Variants in ABHD5 observed in about 807,000 individuals in gnomAD.
ABHD5 encodes the protein abhydrolase domain containing 5, lysophosphatidic acid acyltransferase, also known as 1-acylglycerol-3-phosphate O-acyltransferase ABHD5.
ABHD5 carries 30 observed loss-of-function variants against 44.9 expected under a neutral mutation model. The observed-to-expected ratio is 0.67, with a 90% CI of 0.50 to 0.91. The LOEUF (loss-of-function observed/expected upper bound fraction) is 0.91. Among genes scored for constraint, ABHD5 ranks in the 40% least tolerant of loss-of-function variants. ABHD5 has a pLI of 0.00. For missense variants in ABHD5, 399 were observed against 423.4 expected (o/e 0.94, Z 0.50); for synonymous variants, 167 against 147.0 (o/e 1.14, Z -0.99).
downstream of ABHD5, among the ~76,000 whole-genome samples, chr3:43,723,210 T>G (rs1198805046): frequency 3.9e-5 from 6 of 152,210 alleles, no homozygotes; most frequent in African/African-American, 1.2e-4. Context: ...AAAAACTCAT[T>G]GGTCACTTTT....
At chr3:43,732,779 G>A (rs1295744283) in intron 7 of ABHD5, among the ~76,000 whole-genome samples, 1 of 152,168 alleles carries the variant, frequency 6.6e-6, no homozygotes, top group African/African-American at 2.4e-5. Flanking sequence ...ATCTTTGCAT[G>A]GCCGCAGTCA....
chr3:43,729,051 T>C (rs979520477), intron 7 of ABHD5, among the ~76,000 whole-genome samples: 2 of 152,226 alleles, frequency 1.3e-5, no homozygotes, highest in Admixed American at 6.5e-5. Flanking sequence ...TTTTCAAATA[T>C]GAGCTTTTAA....
intron 5 of ABHD5, 27 bp downstream of exon 5, chr3:43,715,085 CTGTGTGTG>C (rs10662733): frequency 3.3e-4 from 281 of 846,712 alleles, no homozygotes; most frequent in African/African-American, 2.3e-3. Context: ...TCAATTCACT[CTGTGTGTG>C]TGTGTGTGTG....
rs1168106852 is a variant in ABHD5 at position 43,699,377 on chromosome 3, T to C, written c.133+16T>C. The C allele has an allele frequency of 6.3e-7, 1 of 1,599,372 alleles. No homozygotes were observed. Among genetic ancestry groups the C allele is most frequent in the African/African-American group, 1.3e-5 (1 of 74,608 alleles). ...ATGTTAAAATGTAAGGCTTTCTTCTTGTAAGTTAAATGAGCTGTGTACTAA... is the reference window on the plus strand; with the variant it reads ...ATGTTAAAATGTAAGGCTTTCTTCTCGTAAGTTAAATGAGCTGTGTACTAA... On this transcript the variant is annotated intron_variant, in intron 2 of 6. Transcript: ENST00000644371.
At chr3:43,705,779 C>T (rs1447613731) in intron 3 of ABHD5, among the ~76,000 whole-genome samples, 1 of 152,132 alleles carries the variant, frequency 6.6e-6, no homozygotes, top group Admixed American at 6.6e-5. Flanking sequence ...TATCTCTTGT[C>T]TTTTCTGCAA....
chr3:43,716,090 T>C (rs2084758989), intron 5 of ABHD5, among the ~76,000 whole-genome samples: 1 of 152,084 alleles, frequency 6.6e-6, no homozygotes, highest in South Asian at 2.1e-4. Flanking sequence ...ATATGACTTA[T>C]GGATGTTGGG....
chr3:43,716,989 G>C (rs2084770863), intron 5 of ABHD5, among the ~76,000 whole-genome samples: 1 of 152,122 alleles, frequency 6.6e-6, no homozygotes, highest in Non-Finnish European at 1.5e-5. Context: ...TGACCAACAT[G>C]GTGAAACCCC....
At chr3:43,700,116 C>T (rs1356212657) in intron 2 of ABHD5, among the ~76,000 whole-genome samples, 1 of 152,152 alleles carries the variant, frequency 6.6e-6, no homozygotes, top group African/African-American at 2.4e-5. Flanking sequence ...TAGGTGGTTA[C>T]AAGATCTTGG....
Position 43,720,733 on chromosome 3 carries a change from G to C in ABHD5, c.*2201G>C, listed in dbSNP as rs571081349. 1 of 152,184 alleles carries C rather than the reference G, an allele frequency of 6.6e-6. No homozygotes were observed. The highest frequency in any genetic ancestry group is 2.4e-5 in the African/African-American group (1 of 41,508). 9.4% of individuals were successfully genotyped at this position (152,184 alleles called of 1,614,324 possible). A position where few individuals can be genotyped will look rare whatever the true frequency, so the allele number is the denominator to read the frequency against. Reference sequence around the variant, plus strand: ...TATAGTTTCTTGAGTCTTTTGTATGGACCAGTCTCTGTATAATAGTTAACT... The same window carrying C: ...TATAGTTTCTTGAGTCTTTTGTATGCACCAGTCTCTGTATAATAGTTAACT... On this transcript the variant is annotated 3_prime_UTR_variant, in exon 7 of 7. Transcript: ENST00000644371.
In ABHD5 at chr3:43,712,767, AT is replaced by A. The variant is rs563655494; in HGVS notation, c.661+905del. Among the ~76,000 whole-genome samples, 313 of 152,270 alleles carry A rather than the reference AT, an allele frequency of 2.1e-3. 1 individual carries two copies. Among genetic ancestry groups the A allele is most frequent in the Admixed American group, 6.1e-3 (93 of 15,298 alleles). The stretch of plus-strand genomic sequence containing the variant: ...TCCTCACGGTGGTTTGATGCCTGCC[AT>A]AGCATTAAGCATCATCTCACAAATC... On this transcript the variant is annotated intron_variant, in intron 4 of 6. Transcript: ENST00000644371.
intron 1 of ABHD5, among the ~76,000 whole-genome samples, chr3:43,694,034 G>T (rs1052065634): frequency 7.0e-6 from 1 of 142,214 alleles, no homozygotes; most frequent in African/African-American, 2.8e-5. Flanking sequence ...CTGGCCGGGC[G>T]CCGTGGTTCA....
chr3:43,700,658 C>T (rs2084530104), intron 2 of ABHD5, among the ~76,000 whole-genome samples: 1 of 151,780 alleles, frequency 6.6e-6, no homozygotes, highest in South Asian at 2.1e-4. Context: ...ACTGCAACCT[C>T]TGCCTCCTGG....
chr3:43,705,095 G>A (rs2149597980), intron 3 of ABHD5, among the ~76,000 whole-genome samples: 1 of 152,304 alleles, frequency 6.6e-6, no homozygotes, highest in African/African-American at 2.4e-5. Flanking sequence ...TTGGCACATA[G>A]TGGCTGCCTA....
rs556437160 is a variant in ABHD5 at position 43,721,551 on chromosome 3, A to G, written c.*3019A>G. Reference sequence around the variant, plus strand: ...AAACCAACCTGGGCAACCTAGTAGGACTGGCTCTACCAAAAAAAAAAAAAA... The same window carrying G: ...AAACCAACCTGGGCAACCTAGTAGGGCTGGCTCTACCAAAAAAAAAAAAAA... On this transcript the variant is annotated 3_prime_UTR_variant, in exon 7 of 7. Coordinates refer to ENST00000644371, the MANE Select transcript of ABHD5 (RefSeq NM_016006.6). 4 of 147,750 alleles carry G rather than the reference A, an allele frequency of 2.7e-5. No individual in the cohort carries two copies. The South Asian group carries it at 8.8e-4, about 33-fold the overall frequency. 9.2% of individuals were successfully genotyped at this position (147,750 alleles called of 1,614,324 possible).
In ABHD5 at chr3:43,714,990, G is replaced by A. The variant is rs1465720006; in HGVS notation, c.705G>A (p.Lys235=). The A allele has an allele frequency of 1.1e-5, 17 of 1,613,032 alleles. No homozygotes were observed. Among genetic ancestry groups the A allele is most frequent in the Non-Finnish European group, 1.4e-5 (17 of 1,179,600 alleles). The change falls in exon 5 of 7, where the codon AAG becomes AAA. Residue 235 remains lysine (K), a synonymous_variant. Transcript: ENST00000644371. ...GTTTAAGGCCTGATTTCAAACGAAA[G>A]TATTCTTCAATGTTCGAAGACGATA... ...VQRLRPDFKR[K]YSSMFEDDTV...
intron 3 of ABHD5, among the ~76,000 whole-genome samples, chr3:43,710,247 A>G (rs543300570): frequency 6.6e-6 from 1 of 152,168 alleles, no homozygotes; most frequent in Non-Finnish European, 1.5e-5. Context: ...ATACATCTCT[A>G]TGGTTATATT....
chr3:43,707,568 C>T (rs1371887360), intron 3 of ABHD5: 1 of 152,122 alleles, frequency 6.6e-6, no homozygotes, highest in Non-Finnish European at 1.5e-5. Flanking sequence ...GACTAGAGTT[C>T]TTTCTGATTA....
intron 6 of ABHD5, among the ~76,000 whole-genome samples, chr3:43,718,117 G>T (rs1461578568): frequency 6.6e-6 from 1 of 152,102 alleles, no homozygotes; most frequent in Non-Finnish European, 1.5e-5. Flanking sequence ...CAGAGGGATT[G>T]GTCCAGTAGC....
intron 7 of ABHD5, among the ~76,000 whole-genome samples, chr3:43,732,469 G>A (rs1697253773): frequency 6.6e-6 from 1 of 151,936 alleles, no homozygotes; most frequent in Non-Finnish European, 1.5e-5. Context: ...GGGGAGATGT[G>A]TACTTAAAAA....
Sources: allele counts gnomAD v4.1 joint callset (sites outside exome capture counted in the v4.1 genomes callset), GRCh38; gene constraint gnomAD v4.1.1; transcripts MANE v1.5; gene names NCBI Gene and HGNC (gene_info 2026-07-23, HGNC 2026-07-21).